CBR4: variants seen among roughly 807,000 people sequenced by gnomAD.
The protein encoded by CBR4 is carbonyl reductase 4, also known as 3-oxoacyl-[acyl-carrier-protein] reductase.
A neutral mutation model predicts 21.0 loss-of-function variants in CBR4; 22 were observed. The observed-to-expected ratio is 1.05, with a 90% CI of 0.75 to 1.50. The LOEUF (loss-of-function observed/expected upper bound fraction) is 1.50. CBR4 is among the 40% of genes most tolerant of loss of function. CBR4 has a pLI of 0.00. For missense variants in CBR4, 302 were observed against 286.3 expected (o/e 1.05, Z -0.40); for synonymous variants, 100 against 104.4 (o/e 0.96, Z 0.26).
intron 2 of CBR4, among the ~76,000 whole-genome samples, chr4:168,975,281 A>G (rs541020320): frequency 1.6e-4 from 25 of 152,350 alleles, no homozygotes; most frequent in African/African-American, 6.0e-4. Context: ...CCAGCCATGG[A>G]TACCAGCACC....
intron 4 of CBR4, among the ~76,000 whole-genome samples, chr4:168,996,524 GGGTTC>G (rs1765211057): frequency 6.6e-6 from 1 of 151,088 alleles, no homozygotes; most frequent in Admixed American, 6.6e-5. Flanking sequence ...GTTTACATTA[GGGTTC>G]ACTCTTTATT....
At chr4:168,923,738 C>T (rs2126556318) in intron 2 of CBR4, among the ~76,000 whole-genome samples, 1 of 152,280 alleles carries the variant, frequency 6.6e-6, no homozygotes, top group South Asian at 2.1e-4. Flanking sequence ...AAAGATGCCT[C>T]CCCTTTAAAT....
chr4:168,954,615 T>C (rs1483988507), intron 2 of CBR4, among the ~76,000 whole-genome samples: 2 of 152,318 alleles, frequency 1.3e-5, no homozygotes, highest in Admixed American at 6.5e-5. Flanking sequence ...ATTTAGTATA[T>C]GGGAAATTAA....
At chr4:169,006,201 T>C (rs1730899138) in intron 3 of CBR4, among the ~76,000 whole-genome samples, 1 of 152,210 alleles carries the variant, frequency 6.6e-6, no homozygotes, top group Admixed American at 6.5e-5. Flanking sequence ...TCTACTTTAA[T>C]TCCTTGTCCA....
At position 168,988,702 on chromosome 4, in the gene CBR4, A is replaced by G. The variant is rs553297702; in HGVS notation, c.*1448T>C. On this transcript the variant is annotated 3_prime_UTR_variant, in exon 5 of 5. Coordinates refer to ENST00000306193, the MANE Select transcript of CBR4 (RefSeq NM_032783.5). ...ATAGACAATTTGTTTAATGATACTAACTTTACTCACACTTAATTGACTTTC... is the reference window on the plus strand; with the variant it reads ...ATAGACAATTTGTTTAATGATACTAGCTTTACTCACACTTAATTGACTTTC... 25 of 975,286 alleles carry G rather than the reference A, an allele frequency of 2.6e-5. No individual in the cohort carries two copies. In the African/African-American group the frequency reaches 4.0e-4, roughly 16 times the overall value. The allele number at this position is 975,286 out of a possible 1,614,324, so 60.4% of individuals were successfully genotyped here. A position where few individuals can be genotyped will look rare whatever the true frequency, so the allele number is the denominator to read the frequency against.
chr4:168,960,773 T>C (rs1279083642), intron 2 of CBR4, among the ~76,000 whole-genome samples: 4 of 152,254 alleles, frequency 2.6e-5, no homozygotes, highest in Non-Finnish European at 4.4e-5. Context: ...ATAAGTTTGC[T>C]GAGATTTAAA....
At chr4:168,904,186 G>A (rs28626035) in intron 2 of CBR4, 2 of 416,528 alleles carry the variant, frequency 4.8e-6, no homozygotes, top group East Asian at 4.7e-5. Context: ...TGCAGTGGTA[G>A]ACTGGACAAA....
chr4:168,974,913 A>T (rs1028281742), intron 2 of CBR4, among the ~76,000 whole-genome samples: 1 of 151,922 alleles, frequency 6.6e-6, no homozygotes, highest in Admixed American at 6.6e-5. Flanking sequence ...CAATTCAGAG[A>T]TTTATTCTTG....
intron 2 of CBR4, among the ~76,000 whole-genome samples, chr4:168,912,670 T>G (rs1005902634): frequency 5.9e-5 from 9 of 152,354 alleles, no homozygotes; most frequent in Admixed American, 2.6e-4. Context: ...ATACAACGTA[T>G]AATGTTCAAA....
chr4:168,964,778 T>C (rs1024197052), intron 2 of CBR4, among the ~76,000 whole-genome samples: 3 of 152,190 alleles, frequency 2.0e-5, no homozygotes, highest in African/African-American at 7.2e-5. Flanking sequence ...TGAAGAAACA[T>C]TGATTTAGTA....
At chr4:168,959,979 C>A (rs975973934) in intron 2 of CBR4, among the ~76,000 whole-genome samples, 1 of 152,006 alleles carries the variant, frequency 6.6e-6, no homozygotes, top group African/African-American at 2.4e-5. Flanking sequence ...AATCTTCCAA[C>A]CCAAGAACAT....
chr4:168,931,674 C>A (rs1342973695), intron 2 of CBR4, among the ~76,000 whole-genome samples: 1 of 152,132 alleles, frequency 6.6e-6, no homozygotes, highest in Non-Finnish European at 1.5e-5. Context: ...TCCCTGTGGC[C>A]CCAATCCCAG....
At chr4:168,999,197 G>C (rs1008036081) in intron 4 of CBR4, among the ~76,000 whole-genome samples, 2 of 151,970 alleles carry the variant, frequency 1.3e-5, no homozygotes, top group African/African-American at 2.4e-5. Flanking sequence ...TATTTTCCTT[G>C]TTCCTTGCTT....
At chr4:168,946,478 A>C (rs1763398410) in intron 2 of CBR4, among the ~76,000 whole-genome samples, 2 of 152,326 alleles carry the variant, frequency 1.3e-5, no homozygotes, top group African/African-American at 4.8e-5. Flanking sequence ...CAAATGCTGC[A>C]CCATGTGTGA....
chr4:168,969,044 C>T (rs1764127217), intron 2 of CBR4, among the ~76,000 whole-genome samples: 1 of 152,222 alleles, frequency 6.6e-6, no homozygotes, highest in Non-Finnish European at 1.5e-5. Context: ...TCTCCACATG[C>T]TCCCATTAAC....
At chr4:168,907,327 G>A (rs989630384) in intron 2 of CBR4, among the ~76,000 whole-genome samples, 12 of 152,164 alleles carry the variant, frequency 7.9e-5, no homozygotes, top group African/African-American at 1.4e-4. Context: ...TAGGTACTCC[G>A]TTCCCACAGT....
At chr4:169,002,235 A>G in intron 3 of CBR4, 30 bp from the exon 4 acceptor site, 1 of 932,224 alleles carries the variant, frequency 1.1e-6, no homozygotes. Context: ...AAAAAAAAAA[A>G]AAGCGTATTA....
At chr4:168,944,017 A>G (rs1039541572) in intron 2 of CBR4, among the ~76,000 whole-genome samples, 1 of 152,248 alleles carries the variant, frequency 6.6e-6, no homozygotes, top group South Asian at 2.1e-4. Context: ...CAAGATTTCA[A>G]GCAATCAAAG....
chr4:168,974,709 C>T (rs576460748), intron 2 of CBR4, among the ~76,000 whole-genome samples: 2 of 152,242 alleles, frequency 1.3e-5, no homozygotes, highest in African/African-American at 4.8e-5. Flanking sequence ...AAACTTTCCA[C>T]TGTATTTAGC....
Sources: allele counts gnomAD v4.1 joint callset (sites outside exome capture counted in the v4.1 genomes callset), GRCh38; gene constraint gnomAD v4.1.1; transcripts MANE v1.5; gene names NCBI Gene and HGNC (gene_info 2026-07-23, HGNC 2026-07-21).